Variants in RSBN1L observed in about 807,000 individuals in gnomAD.
RSBN1L encodes lysine-specific demethylase RSBN1L.
Under a neutral mutation model 67.7 loss-of-function variants are expected in RSBN1L, and 30 were observed. The ratio of observed to expected loss-of-function variants is 0.44; its 90% CI spans 0.33 to 0.60. The LOEUF is 0.60. RSBN1L is among the 20% of genes least tolerant of loss of function. RSBN1L has a pLI of 0.02. For missense variants in RSBN1L, 992 were observed against 1,031.7 expected, an observed-to-expected ratio of 0.96 and a Z score of 0.53; for synonymous variants, 433 against 387.0, an observed-to-expected ratio of 1.12 and a Z score of -1.39.
Position 77,778,565 on chromosome 7 carries a change from A to G in RSBN1L, c.1938A>G (p.Gln646=), listed in dbSNP as rs750555973. 9 of 1,613,566 alleles carry G rather than the reference A, an allele frequency of 5.6e-6. No individual in the cohort carries two copies. In the Admixed American group the frequency reaches 8.3e-5, roughly 15 times the overall value. ...VQWVDDAKLN[Q]LRREGIRYAR... Reference sequence around the variant, plus strand: ...GGGTTGATGATGCAAAACTGAATCAACTGAGGAGGGAAGGCATTCGCTATG... The same window carrying G: ...GGGTTGATGATGCAAAACTGAATCAGCTGAGGAGGGAAGGCATTCGCTATG... The change falls in exon 8 of 8, where the codon CAA becomes CAG. Residue 646 remains glutamine (Q), a synonymous_variant. Transcript: ENST00000334955.
At chr7:77,769,458 G>C (rs1791816309) in intron 5 of RSBN1L, among the ~76,000 whole-genome samples, 1 of 152,164 alleles carries the variant, frequency 6.6e-6, no homozygotes, top group Non-Finnish European at 1.5e-5. Flanking sequence ...TAAAAACAAA[G>C]GCAGAGCCCC....
At position 77,780,849 on chromosome 7, in the gene RSBN1L, C is replaced by G. The variant is rs1182241408; in HGVS notation, c.*1681C>G. ...CTTTAATGATAGACTCACTATTTGACACTGCTTCTACTATTGTAATTAAAA... is the reference window on the plus strand; with the variant it reads ...CTTTAATGATAGACTCACTATTTGAGACTGCTTCTACTATTGTAATTAAAA... On this transcript the variant is annotated 3_prime_UTR_variant, in exon 8 of 8. Coordinates refer to ENST00000334955, the MANE Select transcript of RSBN1L (RefSeq NM_198467.3). 6.6e-6 allele frequency: 1 copy of G among 152,192 alleles called. No homozygotes were observed. Among genetic ancestry groups the G allele is most frequent in the East Asian group, 1.9e-4 (1 of 5,198 alleles). 9.4% of individuals were successfully genotyped at this position (152,192 alleles called of 1,614,324 possible).
chr7:77,719,911 C>T lies in RSBN1L; in HGVS notation c.587-16499C>T, dbSNP rs537103891. Among the ~76,000 whole-genome samples, 16 of 152,164 alleles carry T rather than the reference C, an allele frequency of 1.1e-4. No individual in the cohort carries two copies. The East Asian group carries it at 1.2e-3, about 11-fold the overall frequency. ...TTCTGAGTAGCCAGTACTATAGGTG[C>T]GCACCACTGTGCCTGGCTAATTATT... On this transcript the variant is annotated intron_variant, in intron 1 of 7. Transcript: ENST00000334955.
intron 1 of RSBN1L, among the ~76,000 whole-genome samples, chr7:77,721,963 A>G (rs1235136321): frequency 6.6e-6 from 1 of 152,220 alleles, no homozygotes; most frequent in African/African-American, 2.4e-5. Context: ...AGAATACACT[A>G]GGTGGTGACT....
chr7:77,771,091 G>T (rs1265832120), intron 5 of RSBN1L, among the ~76,000 whole-genome samples: 1 of 151,904 alleles, frequency 6.6e-6, no homozygotes, highest in African/African-American at 2.4e-5. Flanking sequence ...ACAGGCGCAC[G>T]CCACCACACC....
chr7:77,775,547 G>T (rs1262299049), intron 6 of RSBN1L, among the ~76,000 whole-genome samples: 1 of 152,104 alleles, frequency 6.6e-6, no homozygotes, highest in East Asian at 1.9e-4. Context: ...TCTAATTCCT[G>T]TTTGATTTCT....
intron 1 of RSBN1L, among the ~76,000 whole-genome samples, chr7:77,700,100 T>C (rs958319454): frequency 3.5e-4 from 53 of 152,078 alleles, no homozygotes; most frequent in African/African-American, 1.2e-3. Context: ...TGGCCAACAT[T>C]TTAGATTTTT....
At chr7:77,726,037 T>G (rs1376378431) in intron 1 of RSBN1L, among the ~76,000 whole-genome samples, 1 of 152,236 alleles carries the variant, frequency 6.6e-6, no homozygotes, top group Non-Finnish European at 1.5e-5. Context: ...TGTATCTGTC[T>G]GTATTTCTAA....
At chr7:77,731,214 GGTTT>G (rs1791267316) in intron 1 of RSBN1L, among the ~76,000 whole-genome samples, 1 of 151,616 alleles carries the variant, frequency 6.6e-6, no homozygotes, top group African/African-American at 2.4e-5. Context: ...TGTTTTTTTT[GGTTT>G]GTTTGTTTTT....
At chr7:77,740,963 A>C (rs1791400759) in intron 2 of RSBN1L, among the ~76,000 whole-genome samples, 1 of 147,274 alleles carries the variant, frequency 6.8e-6, no homozygotes, top group Non-Finnish European at 1.5e-5. Flanking sequence ...AGGGTCTCCC[A>C]TCAACATTTT....
intron 5 of RSBN1L, among the ~76,000 whole-genome samples, chr7:77,770,581 G>T (rs1046915892): frequency 2.0e-5 from 3 of 151,664 alleles, no homozygotes; most frequent in Admixed American, 6.6e-5. Flanking sequence ...TACTCGGAAG[G>T]CTGAGTCAAG....
intron 3 of RSBN1L, among the ~76,000 whole-genome samples, chr7:77,761,754 T>C (rs1269695925): frequency 4.6e-5 from 7 of 152,224 alleles, no homozygotes; most frequent in African/African-American, 1.4e-4. Context: ...ATTTGAAATA[T>C]TGTGTTATTA....
intron 5 of RSBN1L, among the ~76,000 whole-genome samples, chr7:77,772,913 T>A (rs1791866895): frequency 6.6e-6 from 1 of 152,216 alleles, no homozygotes; most frequent in Non-Finnish European, 1.5e-5. Flanking sequence ...AACAACACCA[T>A]TTGTAATTTA....
chr7:77,744,510 C>T (rs972844725), intron 2 of RSBN1L, among the ~76,000 whole-genome samples: 1 of 152,022 alleles, frequency 6.6e-6, no homozygotes, highest in African/African-American at 2.4e-5. Flanking sequence ...ACGTCTCACT[C>T]TCGTCACCCA....
At position 77,754,910 on chromosome 7, in the gene RSBN1L, G is replaced by C. The variant is rs543069518; in HGVS notation, c.1344+4846G>C. 2.1e-4 allele frequency among the ~76,000 whole-genome samples: 32 copies of C among 152,090 alleles called. 2 individuals are homozygous for C. The South Asian group carries it at 6.4e-3, about 31-fold the overall frequency. ...AACAAAAACAAAAGTTTAGTAATTA[G>C]GTTTTATGAAATTTAGAAAAAACTA... On this transcript the variant is annotated intron_variant, in intron 3 of 7. Transcript: ENST00000334955.
At chr7:77,698,807 C>CAA (rs1304202922) in intron 1 of RSBN1L, among the ~76,000 whole-genome samples, 1 of 151,788 alleles carries the variant, frequency 6.6e-6, no homozygotes, top group East Asian at 1.9e-4. Flanking sequence ...GTAAGATTTT[C>CAA]ATTTTTTCAG....
chr7:77,740,116 A>T (rs754844584), intron 2 of RSBN1L, among the ~76,000 whole-genome samples: 38 of 152,120 alleles, frequency 2.5e-4, no homozygotes, highest in Non-Finnish European at 4.4e-4. Flanking sequence ...TGTTTTATTA[A>T]TGCGAAAACC....
chr7:77,719,901 A>G lies in RSBN1L; in HGVS notation c.587-16509A>G, dbSNP rs183606489. Among the ~76,000 whole-genome samples, 3 of 152,278 alleles carry G rather than the reference A, an allele frequency of 2.0e-5. No homozygotes were observed. The East Asian group carries it at 5.8e-4, about 29-fold the overall frequency. ...TGACTGAGCCTTCTGAGTAGCCAGT[A>G]CTATAGGTGCGCACCACTGTGCCTG... On this transcript the variant is annotated intron_variant, in intron 1 of 7. Coordinates refer to ENST00000334955, the MANE Select transcript of RSBN1L (RefSeq NM_198467.3).
chr7:77,752,486 C>G (rs1295324120), intron 3 of RSBN1L, among the ~76,000 whole-genome samples: 1 of 152,122 alleles, frequency 6.6e-6, no homozygotes, highest in East Asian at 1.9e-4. Flanking sequence ...TAGGCACTGG[C>G]TTTATGAAAC....
Sources: allele counts gnomAD v4.1 joint callset (sites outside exome capture counted in the v4.1 genomes callset), GRCh38; gene constraint gnomAD v4.1.1; transcripts MANE v1.5; gene names NCBI Gene and HGNC (gene_info 2026-07-23, HGNC 2026-07-21).